Variants in ANO6 observed in about 807,000 individuals in gnomAD.
ANO6 encodes anoctamin-6.
Under a neutral mutation model 117.5 loss-of-function variants are expected in ANO6, and 106 were observed. The ratio of observed to expected loss-of-function variants is 0.90; its 90% CI spans 0.77 to 1.06. ANO6 has a LOEUF of 1.06. ANO6 is among the 50% of genes least tolerant of loss of function. The pLI, the probability that ANO6 is intolerant of heterozygous loss-of-function variation, is 0.00. For missense variants in ANO6, 955 were observed against 1,121.1 expected, an observed-to-expected ratio of 0.85 and a Z score of 2.12; for synonymous variants, 367 against 385.1, an observed-to-expected ratio of 0.95 and a Z score of 0.55.
chr12:45,385,227 G>A (rs1005221822), intron 10 of ANO6, among the ~76,000 whole-genome samples: 5 of 151,936 alleles, frequency 3.3e-5, no homozygotes, highest in African/African-American at 1.2e-4. Context: ...TGGGATGCAT[G>A]AGTGCTATGT....
chr12:45,252,203 C>G (rs920466015), intron 1 of ANO6, among the ~76,000 whole-genome samples: 4 of 152,170 alleles, frequency 2.6e-5, no homozygotes, highest in African/African-American at 9.7e-5. Flanking sequence ...TGGCAGAACA[C>G]ACCATCACAC....
At chr12:45,244,849 C>CT (rs981729291) in intron 1 of ANO6, among the ~76,000 whole-genome samples, 8 of 152,288 alleles carry the variant, frequency 5.3e-5, no homozygotes, top group African/African-American at 1.9e-4. Context: ...CATTTCTTGA[C>CT]TTTTGACTTC....
intron 9 of ANO6, among the ~76,000 whole-genome samples, chr12:45,370,168 A>G (rs1036574669): frequency 6.6e-6 from 1 of 152,202 alleles, no homozygotes; most frequent in Non-Finnish European, 1.5e-5. Context: ...CTTCTTACCC[A>G]GTAAGCTCCT....
intron 2 of ANO6, among the ~76,000 whole-genome samples, chr12:45,328,770 G>GTGT (rs1940562409): frequency 6.6e-6 from 1 of 151,746 alleles, no homozygotes; most frequent in East Asian, 1.9e-4. Context: ...TTTTCCCTTT[G>GTGT]TGTTCTTCTT....
rs373920866 is a variant in ANO6 at position 45,298,725 on chromosome 12, T to C, written c.71-3289T>C. 1.8e-3 allele frequency among the ~76,000 whole-genome samples: 275 copies of C among 152,356 alleles called. 3 individuals are homozygous for C. In the South Asian group the frequency reaches 0.026, roughly 15 times the overall value. On this transcript the variant is annotated intron_variant, in intron 1 of 19. Coordinates refer to ENST00000320560, the MANE Select transcript of ANO6 (RefSeq NM_001025356.3). ...CCAGCAGACTAACTAAAACTATAAA[T>C]AGTTCTAATTTCTTTCACAAATCCA...
chr12:45,419,889 ACTC>A (rs1218012983), intron 17 of ANO6, among the ~76,000 whole-genome samples: 3 of 151,566 alleles, frequency 2.0e-5, no homozygotes, highest in African/African-American at 7.3e-5. Flanking sequence ...GCCCATATTT[ACTC>A]CTTTTATCTA....
At chr12:45,240,158 A>G (rs1325124250) in intron 1 of ANO6, among the ~76,000 whole-genome samples, 1 of 152,026 alleles carries the variant, frequency 6.6e-6, no homozygotes, top group East Asian at 1.9e-4. Context: ...GTGGGAGTCT[A>G]AGTCTCTTTG....
chr12:45,246,820 A>T (rs150177589), intron 1 of ANO6, among the ~76,000 whole-genome samples: 1 of 144,852 alleles, frequency 6.9e-6, no homozygotes. Flanking sequence ...GTTGGAGCGC[A>T]GTGGCGCTGT....
chr12:45,258,897 G>C (rs993089216), intron 1 of ANO6, among the ~76,000 whole-genome samples: 3 of 152,222 alleles, frequency 2.0e-5, no homozygotes, highest in African/African-American at 7.2e-5. Context: ...CAGTCTGATA[G>C]AGAAAGGGAT....
At chr12:45,370,879 G>C (rs1477551201) in intron 9 of ANO6, among the ~76,000 whole-genome samples, 1 of 152,192 alleles carries the variant, frequency 6.6e-6, no homozygotes, top group East Asian at 1.9e-4. Flanking sequence ...AATAGGAACA[G>C]CTCCGGTCTA....
At position 45,265,030 on chromosome 12, in the gene ANO6, T is replaced by C. The variant is rs78741919; in HGVS notation, c.71-36984T>C. 9.5e-3 allele frequency among the ~76,000 whole-genome samples: 1,452 copies of C among 152,264 alleles called. 25 individuals carry two copies. The highest frequency in any genetic ancestry group is 0.033 in the African/African-American group (1,367 of 41,534). On this transcript the variant is annotated intron_variant, in intron 1 of 19. Transcript: ENST00000320560. ...TGTCATTTATGAGTGAAAGGAGCAA[T>C]TCCTCATTGACTGTAAGTCTTTTAT...
In ANO6 at chr12:45,431,195, C is replaced by T. The variant is rs1943623990; in HGVS notation, c.*1884C>T. On this transcript the variant is annotated 3_prime_UTR_variant, in exon 20 of 20. Transcript: ENST00000320560. ...ACAGGCCCCATGAAGTCTGACTGCA[C>T]TGGGATGGAGAAATGAATTTCTTCC... The T allele has an allele frequency of 1.0e-6, 1 of 985,184 alleles. No homozygotes were observed. Among genetic ancestry groups the T allele is most frequent in the African/African-American group, 1.7e-5 (1 of 57,204 alleles). The allele number at this position is 985,184 out of a possible 1,614,324, so 61.0% of individuals were successfully genotyped here.
intron 2 of ANO6, among the ~76,000 whole-genome samples, chr12:45,318,648 C>T (rs1324789906): frequency 6.6e-6 from 1 of 151,978 alleles, no homozygotes; most frequent in African/African-American, 2.4e-5. Flanking sequence ...TAGTTTTTTC[C>T]AATTCTGTGA....
At chr12:45,388,562 T>C (rs1210924866) in intron 11 of ANO6, among the ~76,000 whole-genome samples, 2 of 152,162 alleles carry the variant, frequency 1.3e-5, no homozygotes, top group Non-Finnish European at 2.9e-5. Flanking sequence ...ATGGGGCCCC[T>C]TCTTTCATAA....
intron 3 of ANO6, among the ~76,000 whole-genome samples, chr12:45,333,728 C>G (rs758324348): frequency 6.6e-6 from 1 of 151,888 alleles, no homozygotes; most frequent in Non-Finnish European, 1.5e-5. Context: ...TATACTTCAC[C>G]GAAATTCAAA....
intron 3 of ANO6, among the ~76,000 whole-genome samples, chr12:45,338,911 A>G (rs1349939999): frequency 6.6e-6 from 1 of 152,118 alleles, no homozygotes; most frequent in Non-Finnish European, 1.5e-5. Context: ...CGAGTTCACA[A>G]AGACATGGAG....
Position 45,328,923 on chromosome 12 carries a change from A to G in ANO6, c.151-2372A>G, listed in dbSNP as rs1372204617. Among the ~76,000 whole-genome samples the G allele has an allele frequency of 2.3e-4, 35 of 152,172 alleles. 1 individual carries two copies. Among genetic ancestry groups the G allele is most frequent in the Admixed American group, 2.3e-3 (35 of 15,274 alleles). On this transcript the variant is annotated intron_variant, in intron 2 of 19. Coordinates refer to ENST00000320560, the MANE Select transcript of ANO6 (RefSeq NM_001025356.3). ...TAATTCTTCAACTTTATTGTTAGAC[A>G]GTAAACCTTTCTTGCATCCTGCTAG...
At chr12:45,257,299 C>T (rs1032950298) in intron 1 of ANO6, among the ~76,000 whole-genome samples, 1 of 152,180 alleles carries the variant, frequency 6.6e-6, no homozygotes, top group African/African-American at 2.4e-5. Context: ...CCATCTCCAC[C>T]AGGGTGCACC....
At chr12:45,374,074 C>A (rs1309622511) in intron 9 of ANO6, among the ~76,000 whole-genome samples, 1 of 151,232 alleles carries the variant, frequency 6.6e-6, no homozygotes, top group Admixed American at 6.6e-5. Flanking sequence ...ACTACAAACA[C>A]CTCTATGCAA....
Sources: allele counts gnomAD v4.1 joint callset (sites outside exome capture counted in the v4.1 genomes callset), GRCh38; gene constraint gnomAD v4.1.1; transcripts MANE v1.5; gene names NCBI Gene and HGNC (gene_info 2026-07-23, HGNC 2026-07-21).